MON2: variants seen among roughly 807,000 people sequenced by gnomAD.
MON2 encodes MON2 regulator of endosome-to-Golgi trafficking.
In MON2, 84 loss-of-function variants were observed where a neutral mutation model predicts 208.6. The observed-to-expected ratio is 0.40, with a 90% CI of 0.34 to 0.48. The LOEUF is 0.48. Among genes scored for constraint, MON2 ranks in the 20% least tolerant of loss-of-function variants. The probability of loss-of-function intolerance (pLI) is 0.59; values close to 1 mark genes in which losing one functional copy is unlikely to be tolerated. For missense variants in MON2, 1,611 were observed against 2,015.4 expected, an observed-to-expected ratio of 0.80 and a Z score of 3.84; for synonymous variants, 660 against 694.0, an observed-to-expected ratio of 0.95 and a Z score of 0.77.
At chr12:62,549,636 A>G in intron 22 of MON2, 32 bp from the exon 23 acceptor site, 2 of 1,530,858 alleles carry the variant, frequency 1.3e-6, no homozygotes, top group Non-Finnish European at 1.8e-6. Flanking sequence ...AAATAAAATA[A>G]GTGCATCTGT....
chr12:62,585,409 A>C lies in MON2; in HGVS notation c.4815A>C (p.Arg1605=), dbSNP rs776826245. 6.8e-6 allele frequency: 11 copies of C among 1,613,714 alleles called. No homozygotes were observed. The highest frequency in any genetic ancestry group is 1.6e-4 in the Middle Eastern group (1 of 6,082). ...CACCTCAAGAAGGCTACATCTCACG[A>C]ATGGCACTCTCAGTGCTTTTAAAGA... The part of the protein sequence containing the change: ...VTTPQEGYIS[R]MALSVLLKRS... Residue 1605 remains arginine (R), a synonymous_variant, in exon 33 of 35, where the codon CGA becomes CGC. Transcript: ENST00000393630.
Position 62,534,828 on chromosome 12 carries a change from T to C in MON2, c.1634-17T>C, listed in dbSNP as rs895955014. 1.3e-6 allele frequency: 2 copies of C among 1,579,434 alleles called. No homozygotes were observed. The highest frequency in any genetic ancestry group is 1.7e-6 in the Non-Finnish European group (2 of 1,149,640). ...TCTATAATTAAAATTAAATATTGTA[T>C]GTTTTTTTCCTTTAAGTTAGTAGGG... is the stretch of plus-strand genomic sequence containing the variant. On this transcript the variant is annotated splice_polypyrimidine_tract_variant and intron_variant, in intron 12 of 34. Transcript: ENST00000393630.
chr12:62,529,959 C>T (rs1486531192), intron 11 of MON2, among the ~76,000 whole-genome samples: 1 of 151,886 alleles, frequency 6.6e-6, no homozygotes, highest in African/African-American at 2.4e-5. Flanking sequence ...TGTGTTATCA[C>T]CTCAAACATT....
At chr12:62,480,280 C>T (rs1167994704) in intron 1 of MON2, among the ~76,000 whole-genome samples, 2 of 152,128 alleles carry the variant, frequency 1.3e-5, no homozygotes, top group African/African-American at 2.4e-5. Context: ...AATACTTGAC[C>T]AGGCACGGTG....
chr12:62,507,333 T>A (rs2071159072), intron 7 of MON2, among the ~76,000 whole-genome samples: 1 of 150,954 alleles, frequency 6.6e-6, no homozygotes, highest in South Asian at 2.1e-4. Flanking sequence ...TTTTTCTGTG[T>A]GAGATAGGGT....
chr12:62,531,830 C>T (rs937693476), intron 11 of MON2, among the ~76,000 whole-genome samples: 25 of 151,820 alleles, frequency 1.6e-4, no homozygotes, highest in African/African-American at 4.1e-4. Flanking sequence ...AGTGCAGCGG[C>T]GCAATCTCGG....
At chr12:62,472,508 C>T (rs979121686) in intron 1 of MON2, among the ~76,000 whole-genome samples, 9 of 152,140 alleles carry the variant, frequency 5.9e-5, no homozygotes, top group Admixed American at 5.9e-4. Flanking sequence ...TTTCCTGTTA[C>T]CCATTCAGGC....
chr12:62,474,466 C>G (rs2068960215), intron 1 of MON2, among the ~76,000 whole-genome samples: 1 of 151,676 alleles, frequency 6.6e-6, no homozygotes, highest in Admixed American at 6.6e-5. Flanking sequence ...CTCATGTTAT[C>G]CAGGCTGGAG....
At chr12:62,528,441 A>G (rs1051151829) in intron 11 of MON2, among the ~76,000 whole-genome samples, 1 of 152,172 alleles carries the variant, frequency 6.6e-6, no homozygotes, top group African/African-American at 2.4e-5. Context: ...AGTTTTTGCA[A>G]TTTGACCTTA....
rs1465643403 is a variant in MON2, at chr12:62,594,398, TTTA to T, written c.*1655_*1657del. On this transcript the variant is annotated 3_prime_UTR_variant, in exon 35 of 35. Coordinates refer to ENST00000393630, the MANE Select transcript of MON2 (RefSeq NM_015026.3). ...TTTACATGAATTACTGAATTTCTATTTTATTATTTCACCTAAAATTAAGGTAAA... is the reference window on the plus strand; with the variant it reads ...TTTACATGAATTACTGAATTTCTATTTTATTTCACCTAAAATTAAGGTAAA... 6.6e-6 allele frequency: 1 copy of T among 152,204 alleles called. No individual in the cohort carries two copies. Among genetic ancestry groups the T allele is most frequent in the Admixed American group, 6.5e-5 (1 of 15,286 alleles). 9.4% of individuals were successfully genotyped at this position (152,204 alleles called of 1,614,324 possible). A position where few individuals can be genotyped will look rare whatever the true frequency, so the allele number is the denominator to read the frequency against.
At position 62,597,931 on chromosome 12, in the gene MON2, T is replaced by C. The variant is rs1444100059; in HGVS notation, c.*5182T>C. ...TAATTAGGGTTTTGGTTTTTTATGA[T>C]TTTGGGGGGTGGGGGAGATATTTGT... On this transcript the variant is annotated 3_prime_UTR_variant, in exon 35 of 35. Coordinates refer to ENST00000393630, the MANE Select transcript of MON2 (RefSeq NM_015026.3). 1 of 151,858 alleles carries C rather than the reference T, an allele frequency of 6.6e-6. No homozygotes were observed. Among genetic ancestry groups the C allele is most frequent in the Non-Finnish European group, 1.5e-5 (1 of 67,980 alleles). 9.4% of individuals were successfully genotyped at this position (151,858 alleles called of 1,614,324 possible).
intron 25 of MON2, 34 bp from the exon 26 acceptor site, chr12:62,560,457 A>G: frequency 5.2e-6 from 8 of 1,548,336 alleles, no homozygotes; most frequent in South Asian, 1.2e-5. Flanking sequence ...GATCGCTTTT[A>G]TGATAATAGT....
intron 24 of MON2, among the ~76,000 whole-genome samples, chr12:62,554,796 ATTCTAC>A (rs1285928465): frequency 4.0e-5 from 6 of 151,872 alleles, no homozygotes; most frequent in Non-Finnish European, 8.8e-5. Context: ...ATCTCCAGTA[ATTCTAC>A]TTTTGTCCTG....
rs973305369 is a variant in MON2, at chr12:62,600,362, T to G, written c.*7613T>G. 1 of 152,244 alleles carries G rather than the reference T, an allele frequency of 6.6e-6. No individual in the cohort carries two copies. Among genetic ancestry groups the G allele is most frequent in the Non-Finnish European group, 1.5e-5 (1 of 68,038 alleles). The allele number at this position is 152,244 out of a possible 1,614,324, so 9.4% of individuals were successfully genotyped here. ...TGCTAATAACTGTGTCCTTGCTGTA[T>G]GACAGAAGCTATTTGGAGCGCTCTC... is the stretch of plus-strand genomic sequence containing the variant. On this transcript the variant is annotated 3_prime_UTR_variant, in exon 35 of 35. Coordinates refer to ENST00000393630, the MANE Select transcript of MON2 (RefSeq NM_015026.3).
chr12:62,588,303 T>C, intron 34 of MON2, 147 bp downstream of exon 34: 1 of 569,466 alleles, frequency 1.8e-6, no homozygotes, highest in Admixed American at 3.8e-5. Flanking sequence ...AAGCATCAAG[T>C]CCATTAGGAT....
intron 8 of MON2, among the ~76,000 whole-genome samples, chr12:62,522,869 T>C (rs1482078041): frequency 3.3e-5 from 5 of 152,194 alleles, no homozygotes; most frequent in African/African-American, 7.2e-5. Context: ...TTTACCCAAA[T>C]CATAAGATTT....
chr12:62,538,450 A>G lies in MON2; in HGVS notation c.2309A>G (p.Asn770Ser), dbSNP rs1214263043. ...GATGTATCACTGCATCATTTAATAA[A>G]TGCACTTTGCTCCTTGTCTCTAGAA... ...LDDVSLHHLI[N>S]ALCSLSLEAM... Residue 770 changes from asparagine (N) to serine (S), a missense_variant, in exon 19 of 35, where the codon AAT becomes AGT. By Grantham distance (46) the Asn-to-Ser change is conservative. Transcript: ENST00000393630. 2.2e-5 allele frequency: 36 copies of G among 1,611,850 alleles called. No homozygotes were observed. The highest frequency in any genetic ancestry group is 3.1e-5 in the Non-Finnish European group (36 of 1,178,412).
In MON2 at chr12:62,524,610, C is replaced by G. The variant is rs779976439; in HGVS notation, c.1080C>G (p.His360Gln). ...GAGCTGTTGCGGTGGAATCAATACA[C>G]AGATTCTGTGTGCAGCCTCAACTAT... ...WLRAVAVESI[H>Q]RFCVQPQLLR... The change falls in exon 9 of 35, where the codon CAC (histidine) becomes CAG (glutamine). Residue 360 changes from histidine to glutamine, a missense_variant. Physicochemically the swap from His to Gln is conservative, Grantham distance 24 (BLOSUM62 0). Coordinates refer to ENST00000393630, the MANE Select transcript of MON2 (RefSeq NM_015026.3). 1 of 1,613,450 alleles carries G rather than the reference C, an allele frequency of 6.2e-7. No individual in the cohort carries two copies. The highest frequency in any genetic ancestry group is 8.5e-7 in the Non-Finnish European group (1 of 1,179,544).
At position 62,588,244 on chromosome 12, in the gene MON2, A is replaced by G; in HGVS notation, c.4990+88A>G. The G allele has an allele frequency of 4.4e-6, 4 of 901,224 alleles. No homozygotes were observed. The South Asian group carries it at 4.8e-5, about 11-fold the overall frequency. The allele number at this position is 901,224 out of a possible 1,614,324, so 55.8% of individuals were successfully genotyped here. A position where few individuals can be genotyped will look rare whatever the true frequency, so the allele number is the denominator to read the frequency against. ...TTGTCTGTTAATTTAACTGAATTAT[A>G]GGAACATAGCAGTCATTAGACTTCT... On this transcript the variant is annotated intron_variant, in intron 34 of 34. Coordinates refer to ENST00000393630, the MANE Select transcript of MON2 (RefSeq NM_015026.3).
Sources: allele counts gnomAD v4.1 joint callset (sites outside exome capture counted in the v4.1 genomes callset), GRCh38; gene constraint gnomAD v4.1.1; transcripts MANE v1.5; gene names NCBI Gene and HGNC (gene_info 2026-07-23, HGNC 2026-07-21).